Variants in LRRK2 observed in about 807,000 individuals in gnomAD.
LRRK2 encodes leucine rich repeat kinase 2, also known as leucine-rich repeat serine/threonine-protein kinase 2.
LRRK2 carries 203 observed loss-of-function variants against 302.6 expected under a neutral mutation model. The observed-to-expected ratio is 0.67, with a 90% CI of 0.60 to 0.75. The LOEUF (loss-of-function observed/expected upper bound fraction) is 0.75. Ranked by LOEUF, LRRK2 falls within the 30% of genes least tolerant of loss-of-function variation. The probability of loss-of-function intolerance (pLI) is 0.00; values close to 1 mark genes in which losing one functional copy is unlikely to be tolerated. For missense variants in LRRK2, 2,830 were observed against 2,951.0 expected, an observed-to-expected ratio of 0.96 and a Z score of 0.95; for synonymous variants, 1,066 against 1,031.9, an observed-to-expected ratio of 1.03 and a Z score of -0.63.
chr12:40,360,782 G>C (rs1039484155), intron 47 of LRRK2, among the ~76,000 whole-genome samples: 1 of 151,978 alleles, frequency 6.6e-6, no homozygotes, highest in African/African-American at 2.4e-5. Context: ...TACCCAAACT[G>C]AAATTGACTC....
At chr12:40,271,037 A>T (rs965923875) in intron 14 of LRRK2, among the ~76,000 whole-genome samples, 1 of 152,062 alleles carries the variant, frequency 6.6e-6, no homozygotes. Context: ...TCGACCTCCC[A>T]AAGTGCTGAG....
In LRRK2 at chr12:40,284,243, G is replaced by A. The variant is rs1056854347; in HGVS notation, c.2500+110G>A. ...CCAGTTTGAGGGACCTTAAGCCAAA[G>A]ATATTGCAAAGGTTTGGATTTTTTT... On this transcript the variant is annotated intron_variant, in intron 19 of 50. Coordinates refer to ENST00000298910, the MANE Select transcript of LRRK2 (RefSeq NM_198578.4). 23 of 911,926 alleles carry A rather than the reference G, an allele frequency of 2.5e-5. No individual in the cohort carries two copies. The Admixed American group carries it at 3.3e-4, about 13-fold the overall frequency. 56.5% of individuals were successfully genotyped at this position (911,926 alleles called of 1,614,324 possible).
At chr12:40,313,036 A>T (rs1592273888) in intron 31 of LRRK2, 1 of 152,080 alleles carries the variant, frequency 6.6e-6, no homozygotes, top group East Asian at 1.9e-4. Context: ...TCACAAGTAG[A>T]AAAAGACCAA....
rs536179207 is a variant in LRRK2 at position 40,270,308 on chromosome 12, T to C, written c.1657-4275T>C. 2.0e-5 allele frequency among the ~76,000 whole-genome samples: 3 copies of C among 152,298 alleles called. No individual in the cohort carries two copies. In the South Asian group the frequency reaches 6.2e-4, roughly 32 times the overall value. Reference sequence around the variant, plus strand: ...ACATTGGCAGGGTAGATAATATTTATATTCAGCTTTCTAATTATGCTTTCT... The same window carrying C: ...ACATTGGCAGGGTAGATAATATTTACATTCAGCTTTCTAATTATGCTTTCT... On this transcript the variant is annotated intron_variant, in intron 14 of 50. Transcript: ENST00000298910.
At chr12:40,294,258 C>T (rs2136711193) in intron 21 of LRRK2, among the ~76,000 whole-genome samples, 1 of 151,454 alleles carries the variant, frequency 6.6e-6, no homozygotes, top group East Asian at 1.9e-4. Flanking sequence ...ATTATTTCAA[C>T]CTCTTGTCTG....
Position 40,263,894 on chromosome 12 carries a change from T to G in LRRK2, c.1649T>G (p.Leu550Trp). Residue 550 changes from leucine (L) to tryptophan (W), a missense_variant, in exon 14 of 51, where the codon TTG becomes TGG. By Grantham distance (61) the Leu-to-Trp change is moderately conservative (BLOSUM62 -2). This residue lies in a region of LRRK2 where 2,121 missense variants were observed against 2,148.0 expected (regional missense o/e 0.99). Coordinates refer to ENST00000298910, the MANE Select transcript of LRRK2 (RefSeq NM_198578.4). ...ATTCACAAACTGGTCCTAGCAGCTTTGAACAGGGTATGTTGAATATAAGTT... is the reference window on the plus strand; with the variant it reads ...ATTCACAAACTGGTCCTAGCAGCTTGGAACAGGGTATGTTGAATATAAGTT... ...NDIHKLVLAA[L>W]NRFIGNPGIQ... 6.2e-7 allele frequency: 1 copy of G among 1,603,656 alleles called. No individual in the cohort carries two copies. Among genetic ancestry groups the G allele is most frequent in the South Asian group, 1.1e-5 (1 of 90,722 alleles).
chr12:40,234,460 C>A (rs1941356506), intron 3 of LRRK2, among the ~76,000 whole-genome samples: 2 of 142,600 alleles, frequency 1.4e-5, no homozygotes, highest in East Asian at 2.1e-4. Flanking sequence ...CTCACTGTAA[C>A]CTCTGTGTCC....
At chr12:40,308,238 A>G (rs1944905241) in intron 28 of LRRK2, among the ~76,000 whole-genome samples, 1 of 152,146 alleles carries the variant, frequency 6.6e-6, no homozygotes, top group Non-Finnish European at 1.5e-5. Context: ...GTGATAGTGT[A>G]ACATGTTTTC....
chr12:40,298,568 T>A, intron 24 of LRRK2, 75 bp downstream of exon 24: 1 of 1,561,010 alleles, frequency 6.4e-7, no homozygotes, highest in Non-Finnish European at 8.8e-7. Flanking sequence ...GACATTTTTA[T>A]AGCAATGAGT....
intron 14 of LRRK2, among the ~76,000 whole-genome samples, chr12:40,265,201 A>G (rs1308535219): frequency 6.6e-6 from 1 of 152,158 alleles, no homozygotes; most frequent in Admixed American, 6.6e-5. Flanking sequence ...CTTGAGAAAT[A>G]TTTGTTGAAA....
chr12:40,250,991 T>C (rs1942241638), intron 8 of LRRK2, among the ~76,000 whole-genome samples: 2 of 150,624 alleles, frequency 1.3e-5, no homozygotes, highest in Non-Finnish European at 1.5e-5. Flanking sequence ...AATCCTCCTC[T>C]CGTCTATTAG....
At chr12:40,296,897 A>C (rs144466275) in intron 23 of LRRK2, among the ~76,000 whole-genome samples, 84 of 152,190 alleles carry the variant, frequency 5.5e-4, no homozygotes, top group African/African-American at 2.0e-3. Context: ...CCCAGGGCTC[A>C]ATTTAACTGT....
intron 19 of LRRK2, chr12:40,286,299 C>T (rs1453419314): frequency 2.6e-5 from 4 of 151,858 alleles, no homozygotes; most frequent in Admixed American, 1.3e-4. Flanking sequence ...CTCATCCTAC[C>T]GGGCTTCGGG....
At chr12:40,356,091 C>G in intron 45 of LRRK2, 24 bp from the exon 46 acceptor site, 1 of 1,560,134 alleles carries the variant, frequency 6.4e-7, no homozygotes, top group Non-Finnish European at 8.8e-7. Context: ...CTTTTTGTAA[C>G]AATTTCAACA....
At chr12:40,354,814 C>A (rs542947605) in intron 45 of LRRK2, among the ~76,000 whole-genome samples, 63 of 151,144 alleles carry the variant, frequency 4.2e-4, no homozygotes, top group African/African-American at 1.5e-3. Flanking sequence ...AGGATAAATT[C>A]TCATTCATTC....
In LRRK2 at chr12:40,225,028, T is replaced by C; in HGVS notation, c.-104T>C. On this transcript the variant is annotated 5_prime_UTR_variant, in exon 1 of 51. Coordinates refer to ENST00000298910, the MANE Select transcript of LRRK2 (RefSeq NM_198578.4). ...CGCGGGGAGCGCTGGCTGCGGGCGG[T>C]GAGCTGAGCTCGCCCCCGGGGAGCT... The C allele has an allele frequency of 6.8e-7, 1 of 1,470,270 alleles. No individual in the cohort carries two copies. The highest frequency in any genetic ancestry group is 1.2e-5 in the South Asian group (1 of 84,616). 91.1% of individuals were successfully genotyped at this position (1,470,270 alleles called of 1,614,324 possible).
At chr12:40,243,709 C>T in intron 7 of LRRK2, 28 bp downstream of exon 7, 1 of 1,595,228 alleles carries the variant, frequency 6.3e-7, no homozygotes, top group Middle Eastern at 1.7e-4. Context: ...TATGTCATCA[C>T]ACACTGTATG....
intron 14 of LRRK2, among the ~76,000 whole-genome samples, chr12:40,264,757 C>A (rs932771665): frequency 6.6e-6 from 1 of 152,164 alleles, no homozygotes; most frequent in African/African-American, 2.4e-5. Context: ...ATTTACATAT[C>A]CATGTTCCTA....
chr12:40,320,986 T>C (rs2136884516), intron 34 of LRRK2, 48 bp from the exon 35 acceptor site: 5 of 1,600,322 alleles, frequency 3.1e-6, no homozygotes, highest in African/African-American at 2.7e-5. Flanking sequence ...CTCAACAAGG[T>C]TGGGTGTTTT....
Sources: allele counts gnomAD v4.1 joint callset (sites outside exome capture counted in the v4.1 genomes callset), GRCh38; gene constraint gnomAD v4.1.1; regional missense constraint gnomAD v4.1.1; transcripts MANE v1.5; gene names NCBI Gene and HGNC (gene_info 2026-07-23, HGNC 2026-07-21).